Variants in CNKSR2 observed in about 807,000 individuals in gnomAD.
CNKSR2 encodes the protein CNK homolog protein 2.
CNKSR2 carries 14 observed loss-of-function variants against 84.4 expected under a neutral mutation model. The ratio of observed to expected loss-of-function variants is 0.17; its 90% CI spans 0.11 to 0.26. The LOEUF is 0.26. Ranked by LOEUF, CNKSR2 falls within the 10% of genes least tolerant of loss-of-function variation. The probability of loss-of-function intolerance (pLI) is 1.00; values close to 1 mark genes in which losing one functional copy is unlikely to be tolerated. For missense variants in CNKSR2, 485 were observed against 771.2 expected, an observed-to-expected ratio of 0.63 and a Z score of 4.40; for synonymous variants, 275 against 277.9, an observed-to-expected ratio of 0.99 and a Z score of 0.10.
Position 21,432,532 on chromosome X carries a change from A to G in CNKSR2, c.229-80A>G, listed in dbSNP as rs964124028. Reference sequence around the variant, plus strand: ...TCGAATGCTACCCCATTGCCTGTGCATAATAAAGTATTCAGTAAATATTTT... The same window carrying G: ...TCGAATGCTACCCCATTGCCTGTGCGTAATAAAGTATTCAGTAAATATTTT... On this transcript the variant is annotated intron_variant, in intron 2 of 21. Transcript: ENST00000379510. The G allele has an allele frequency of 5.6e-6, 4 of 710,890 alleles. No homozygotes were observed. In the Admixed American group the frequency reaches 1.2e-4, roughly 21 times the overall value. 58.6% of individuals were successfully genotyped at this position (710,890 alleles called of 1,213,427 possible). A position where few individuals can be genotyped will look rare whatever the true frequency, so the allele number is the denominator to read the frequency against.
intron 11 of CNKSR2, among the ~76,000 whole-genome samples, chrX:21,543,476 T>G (rs981198415): frequency 8.9e-6 from 1 of 112,446 alleles, no homozygotes; most frequent in Non-Finnish European, 1.9e-5. Context: ...TAAGGAACCA[T>G]GTAATTGATG....
At chrX:21,630,327 A>T (rs896016302) in intron 20 of CNKSR2, among the ~76,000 whole-genome samples, 2 of 112,300 alleles carry the variant, frequency 1.8e-5, no homozygotes, top group Admixed American at 1.9e-4. Context: ...AAACACCTAT[A>T]GTGTGATGCA....
intron 11 of CNKSR2, among the ~76,000 whole-genome samples, chrX:21,556,590 C>T (rs746262294): frequency 9.0e-6 from 1 of 110,686 alleles, no homozygotes; most frequent in Non-Finnish European, 1.9e-5. Context: ...AGGAGTAGTA[C>T]TCGGTGCTAA....
intron 20 of CNKSR2, among the ~76,000 whole-genome samples, chrX:21,622,501 CT>C (rs1203824479): frequency 9.0e-6 from 1 of 111,529 alleles, no homozygotes; most frequent in Non-Finnish European, 1.9e-5. Flanking sequence ...ATCATTAAAA[CT>C]TTCCATTTGT....
At chrX:21,417,817 C>A (rs1271079680) in intron 1 of CNKSR2, among the ~76,000 whole-genome samples, 4 of 111,362 alleles carry the variant, frequency 3.6e-5, no homozygotes, top group Non-Finnish European at 5.7e-5. Context: ...TTATAGGCAA[C>A]AAATCACTGT....
intron 1 of CNKSR2, among the ~76,000 whole-genome samples, chrX:21,422,706 TC>T (rs1257016278): frequency 8.9e-6 from 1 of 112,004 alleles, no homozygotes; most frequent in Non-Finnish European, 1.9e-5. Context: ...AAGGATTTCT[TC>T]CCACAAGAAA....
chrX:21,589,699 G>C (rs1432424971), intron 13 of CNKSR2, among the ~76,000 whole-genome samples: 1 of 111,643 alleles, frequency 9.0e-6, no homozygotes, highest in Non-Finnish European at 1.9e-5. Context: ...ACTTAGCATG[G>C]AGTGAACAGA....
intron 13 of CNKSR2, among the ~76,000 whole-genome samples, chrX:21,575,505 C>T (rs1473467850): frequency 2.7e-5 from 3 of 111,175 alleles, no homozygotes; most frequent in Non-Finnish European, 5.7e-5. Flanking sequence ...ATGGAGTACA[C>T]ACATTTTATT....
chrX:21,616,209 G>A (rs1285539046), intron 20 of CNKSR2, among the ~76,000 whole-genome samples: 1 of 110,861 alleles, frequency 9.0e-6, no homozygotes, highest in East Asian at 2.8e-4. Flanking sequence ...ATCACTAGGA[G>A]TATAATATTA....
At chrX:21,415,112 G>A (rs1601758134) in intron 1 of CNKSR2, among the ~76,000 whole-genome samples, 1 of 111,336 alleles carries the variant, frequency 9.0e-6, no homozygotes, top group Non-Finnish European at 1.9e-5. Flanking sequence ...TTTTGATAGG[G>A]ATTGCATTGA....
chrX:21,409,932 A>G (rs780080975), intron 1 of CNKSR2, among the ~76,000 whole-genome samples: 16 of 111,218 alleles, frequency 1.4e-4, no homozygotes, highest in African/African-American at 5.2e-4. Flanking sequence ...TCTGAGAAAT[A>G]TTTGTTAATT....
At chrX:21,458,444 G>C (rs1243426572) in intron 4 of CNKSR2, among the ~76,000 whole-genome samples, 1 of 112,141 alleles carries the variant, frequency 8.9e-6, no homozygotes, top group Non-Finnish European at 1.9e-5. Flanking sequence ...GCAGAAATCT[G>C]TAAAAGTAAT....
chrX:21,396,913 C>A (rs2090129673), intron 1 of CNKSR2, among the ~76,000 whole-genome samples: 1 of 111,950 alleles, frequency 8.9e-6, no homozygotes, highest in Admixed American at 9.5e-5. Context: ...AGAATGAGTT[C>A]TTTTGATCAC....
chrX:21,385,515 A>G (rs1288692686), intron 1 of CNKSR2, among the ~76,000 whole-genome samples: 1 of 112,095 alleles, frequency 8.9e-6, no homozygotes, highest in Non-Finnish European at 1.9e-5. Context: ...CCTACATTAC[A>G]TTTAATGCCT....
chrX:21,599,070 A>G lies in CNKSR2; in HGVS notation c.1977-2212A>G, dbSNP rs191632701. 6.6e-4 allele frequency among the ~76,000 whole-genome samples: 75 copies of G among 112,794 alleles called. 1 individual carries two copies. Among genetic ancestry groups the G allele is most frequent in the Middle Eastern group, 4.6e-3 (1 of 218 alleles). ...TCTAAACAATTTTTCTTCAATTAAC[A>G]AAATTTTTCTTCTTAAGAATAGTTT... is the stretch of plus-strand genomic sequence containing the variant. On this transcript the variant is annotated intron_variant, in intron 17 of 21. Coordinates refer to ENST00000379510, the MANE Select transcript of CNKSR2 (RefSeq NM_014927.5).
At chrX:21,614,050 C>T (rs1352755778) in intron 20 of CNKSR2, among the ~76,000 whole-genome samples, 7 of 111,045 alleles carry the variant, frequency 6.3e-5, no homozygotes, top group Non-Finnish European at 1.3e-4. Context: ...TCTTTGTACA[C>T]TATTAATAAC....
intron 3 of CNKSR2, among the ~76,000 whole-genome samples, chrX:21,433,484 A>G (rs1456154204): frequency 3.6e-5 from 4 of 111,607 alleles, no homozygotes; most frequent in Non-Finnish European, 7.5e-5. Context: ...AAACTAAACA[A>G]ATTCTCTACT....
At chrX:21,505,551 A>G (rs2091604654) in intron 8 of CNKSR2, 1 of 111,379 alleles carries the variant, frequency 9.0e-6, no homozygotes, top group African/African-American at 3.3e-5. Context: ...GTGTGGGAGG[A>G]GGGAACAGAT....
chrX:21,608,178 C>G (rs2092528828), intron 19 of CNKSR2: 1 of 111,000 alleles, frequency 9.0e-6, no homozygotes, highest in African/African-American at 3.3e-5. Flanking sequence ...TCCTCCTTTA[C>G]CAGGAGGAGT....
Sources: gnomAD v4.1 joint callset for allele counts (sites outside exome capture counted in the v4.1 genomes callset) on GRCh38, gnomAD v4.1.1 for gene constraint, MANE v1.5 for transcripts, NCBI Gene and HGNC (gene_info 2026-07-23, HGNC 2026-07-21) for gene names.